The following DPYD variants were observed in gnomAD, a reference collection of about 807,000 sequenced individuals.
DPYD encodes the protein dihydropyrimidine dehydrogenase [NADP(+)].
Under a neutral mutation model 116.2 loss-of-function variants are expected in DPYD, and 109 were observed. The observed-to-expected ratio is 0.94, with a 90% CI of 0.80 to 1.10. The LOEUF is 1.10. DPYD is among the 50% of genes least tolerant of loss of function. The pLI is 0.00. For missense variants in DPYD, 1,302 were observed against 1,254.5 expected (o/e 1.04, Z -0.57); for synonymous variants, 440 against 432.0 (o/e 1.02, Z -0.23).
chr1:97,619,160 C>T (rs1363987099), intron 8 of DPYD, among the ~76,000 whole-genome samples: 2 of 152,144 alleles, frequency 1.3e-5, no homozygotes, highest in Non-Finnish European at 2.9e-5. Flanking sequence ...CAAAATCTTA[C>T]ATTCTAGAAA....
At chr1:97,147,436 T>C (rs940719424) in intron 20 of DPYD, among the ~76,000 whole-genome samples, 1 of 152,162 alleles carries the variant, frequency 6.6e-6, no homozygotes, top group African/African-American at 2.4e-5. Flanking sequence ...GAATGCCAGA[T>C]GAAAGAATCC....
At chr1:97,248,866 GCAA>G (rs933616870) in intron 18 of DPYD, among the ~76,000 whole-genome samples, 4 of 152,012 alleles carry the variant, frequency 2.6e-5, no homozygotes, top group Non-Finnish European at 4.4e-5. Context: ...GCACCAAAAA[GCAA>G]CAATAGGAGT....
chr1:97,087,246 T>C (rs551921490), intron 21 of DPYD, among the ~76,000 whole-genome samples: 20 of 152,214 alleles, frequency 1.3e-4, no homozygotes, highest in African/African-American at 1.9e-4. Flanking sequence ...CAGTGTGGTA[T>C]AGTGATCTCT....
intron 11 of DPYD, among the ~76,000 whole-genome samples, chr1:97,569,133 C>T (rs1652725685): frequency 6.6e-6 from 1 of 151,884 alleles, no homozygotes. Flanking sequence ...ACCTTATTGC[C>T]TTGGTTGTAA....
chr1:97,859,009 C>G (rs1256311761), intron 2 of DPYD, among the ~76,000 whole-genome samples: 2 of 152,022 alleles, frequency 1.3e-5, no homozygotes, highest in Non-Finnish European at 2.9e-5. Context: ...AATTTTTACT[C>G]AACTTTTTCT....
At chr1:97,198,962 A>AG (rs921779996) in intron 19 of DPYD, among the ~76,000 whole-genome samples, 8 of 152,274 alleles carry the variant, frequency 5.3e-5, no homozygotes, top group East Asian at 1.9e-4. Flanking sequence ...AGCCTCCTCC[A>AG]GGGGTCTGAC....
intron 18 of DPYD, among the ~76,000 whole-genome samples, chr1:97,258,139 G>A (rs1406724147): frequency 6.6e-6 from 1 of 152,086 alleles, no homozygotes; most frequent in African/African-American, 2.4e-5. Context: ...AGGAGACAAG[G>A]CTAGATGGAG....
intron 12 of DPYD, among the ~76,000 whole-genome samples, chr1:97,537,708 T>A (rs1167348327): frequency 6.6e-6 from 1 of 152,198 alleles, no homozygotes; most frequent in Non-Finnish European, 1.5e-5. Flanking sequence ...TTAACAAGAA[T>A]GAAAAGGCTT....
At chr1:97,665,594 C>A (rs970272240) in intron 8 of DPYD, among the ~76,000 whole-genome samples, 7 of 152,102 alleles carry the variant, frequency 4.6e-5, no homozygotes, top group African/African-American at 1.7e-4. Context: ...TGCATTTCTA[C>A]CTAATCACAT....
At chr1:97,838,653 G>T (rs987481707) in intron 2 of DPYD, among the ~76,000 whole-genome samples, 1 of 151,718 alleles carries the variant, frequency 6.6e-6, no homozygotes, top group African/African-American at 2.4e-5. Flanking sequence ...AGACCATCCT[G>T]GCTAACAAGG....
Position 97,078,941 on chromosome 1 carries a change from C to CA in DPYD, c.*34dup, listed in dbSNP as rs1299487970. On this transcript the variant is annotated 3_prime_UTR_variant, in exon 23 of 23. Transcript: ENST00000370192. ...TTAAAAGATCAGCATATGTAGGTGA[C>CA]ATGAAAGTTCACAGCAACTGTTTCA... The CA allele has an allele frequency of 6.2e-7, 1 of 1,610,746 alleles. No individual in the cohort carries two copies. Among genetic ancestry groups the CA allele is most frequent in the South Asian group, 1.1e-5 (1 of 91,012 alleles).
chr1:97,767,662 A>T (rs765381348), intron 3 of DPYD, among the ~76,000 whole-genome samples: 4 of 152,052 alleles, frequency 2.6e-5, no homozygotes, highest in Non-Finnish European at 5.9e-5. Context: ...AGATAAGCAG[A>T]ACAACCTACA....
intron 16 of DPYD, among the ~76,000 whole-genome samples, chr1:97,323,481 A>G (rs1388118465): frequency 1.6e-5 from 2 of 125,886 alleles, no homozygotes; most frequent in Non-Finnish European, 3.6e-5. Flanking sequence ...GTGTATATAT[A>G]CACGTATATA....
chr1:97,722,303 G>C (rs1662967896), intron 4 of DPYD, among the ~76,000 whole-genome samples: 1 of 151,174 alleles, frequency 6.6e-6, no homozygotes, highest in African/African-American at 2.4e-5. Flanking sequence ...AGAAGCCTAA[G>C]GACACATGAC....
intron 14 of DPYD, among the ~76,000 whole-genome samples, chr1:97,446,314 T>G (rs141727472): frequency 4.7e-4 from 71 of 152,286 alleles, no homozygotes; most frequent in African/African-American, 1.7e-3. Context: ...TTCAAAAATA[T>G]TCTGGAAAGA....
At chr1:97,476,392 A>G (rs558098627) in intron 13 of DPYD, among the ~76,000 whole-genome samples, 1 of 152,220 alleles carries the variant, frequency 6.6e-6, no homozygotes, top group South Asian at 2.1e-4. Flanking sequence ...AAAAATATGA[A>G]CAATTCACAA....
rs1354015065 is a variant in DPYD, at chr1:97,672,542, G to C, written c.850+6553C>G. On this transcript the variant is annotated intron_variant, in intron 8 of 22. Transcript: ENST00000370192. Reference sequence around the variant, plus strand: ...TAGATTGGCAAAATACTCAAGACTTGCTTTTTGCTTAAAATTAAGTCAGGT... The same window carrying C: ...TAGATTGGCAAAATACTCAAGACTTCCTTTTTGCTTAAAATTAAGTCAGGT... Among the ~76,000 whole-genome samples, 16 of 152,210 alleles carry C rather than the reference G, an allele frequency of 1.1e-4. No individual in the cohort carries two copies. The East Asian group carries it at 2.3e-3, about 22-fold the overall frequency.
At chr1:97,475,957 A>G (rs1324868057) in intron 13 of DPYD, among the ~76,000 whole-genome samples, 4 of 152,240 alleles carry the variant, frequency 2.6e-5, no homozygotes, top group Non-Finnish European at 5.9e-5. Context: ...TAAGTAATCT[A>G]TAACTAAGGA....
At chr1:97,845,382 T>C (rs1326145543) in intron 2 of DPYD, among the ~76,000 whole-genome samples, 1 of 152,170 alleles carries the variant, frequency 6.6e-6, no homozygotes, top group Non-Finnish European at 1.5e-5. Flanking sequence ...GGAAAGGAGC[T>C]ACCCAATTTG....
Sources: allele counts gnomAD v4.1 joint callset (sites outside exome capture counted in the v4.1 genomes callset), GRCh38; gene constraint gnomAD v4.1.1; transcripts MANE v1.5; gene names NCBI Gene and HGNC (gene_info 2026-07-23, HGNC 2026-07-21).